IMMP2L: variants seen among roughly 807,000 people sequenced by gnomAD.
IMMP2L encodes the protein inner mitochondrial membrane peptidase subunit 2.
A neutral mutation model predicts 19.3 loss-of-function variants in IMMP2L; 18 were observed. That is an observed-to-expected ratio of 0.93 (90% CI 0.64 to 1.38). The LOEUF (loss-of-function observed/expected upper bound fraction) is 1.38, where lower values mean the gene tolerates loss of function less well. Among genes scored for constraint, IMMP2L ranks in the 40% most tolerant of loss-of-function variants. The probability of loss-of-function intolerance (pLI) is 0.00; values close to 1 mark genes in which losing one functional copy is unlikely to be tolerated. For synonymous variants in IMMP2L, 76 were observed against 73.0 expected (o/e 1.04, Z -0.21); for missense variants, 233 against 218.2 (o/e 1.07, Z -0.43).
At chr7:111,050,406 T>C (rs1452863806) in intron 3 of IMMP2L, among the ~76,000 whole-genome samples, 1 of 152,196 alleles carries the variant, frequency 6.6e-6, no homozygotes, top group Non-Finnish European at 1.5e-5. Context: ...GTTAGAGGGT[T>C]GTGATGAATA....
Position 110,755,125 on chromosome 7 carries a change from A to G in IMMP2L, c.409-91404T>C, listed in dbSNP as rs1310051092. 3.3e-5 allele frequency among the ~76,000 whole-genome samples: 5 copies of G among 152,078 alleles called. 1 individual carries two copies. Among genetic ancestry groups the G allele is most frequent in the Admixed American group, 2.0e-4 (3 of 15,228 alleles). On this transcript the variant is annotated intron_variant, in intron 5 of 5. Coordinates refer to ENST00000405709, the MANE Select transcript of IMMP2L (RefSeq NM_032549.4). The stretch of plus-strand genomic sequence containing the variant: ...ATTAACTTTTAATTACATATGGTCA[A>G]TCCTCAGTTTAGACCATAAAACTAT...
intron 3 of IMMP2L, among the ~76,000 whole-genome samples, chr7:111,448,942 TA>T (rs1476035718): frequency 6.8e-6 from 1 of 146,552 alleles, no homozygotes; most frequent in South Asian, 2.2e-4. Context: ...TCTACGCAAA[TA>T]AACTAGAAAA....
chr7:111,375,573 T>C (rs1345157329), intron 3 of IMMP2L, among the ~76,000 whole-genome samples: 1 of 152,022 alleles, frequency 6.6e-6, no homozygotes, highest in East Asian at 1.9e-4. Context: ...TCACCCAGGA[T>C]GGAGTGCAGT....
At chr7:111,394,576 A>C (rs946892536) in intron 3 of IMMP2L, among the ~76,000 whole-genome samples, 2 of 152,112 alleles carry the variant, frequency 1.3e-5, no homozygotes, top group Non-Finnish European at 2.9e-5. Context: ...GGTTGTGCTA[A>C]ATGACTTAGC....
chr7:111,133,174 A>T lies in IMMP2L; in HGVS notation c.240-169609T>A, dbSNP rs532363535. 7.2e-5 allele frequency among the ~76,000 whole-genome samples: 11 copies of T among 152,136 alleles called. No individual in the cohort carries two copies. The South Asian group carries it at 2.3e-3, about 32-fold the overall frequency. Reference sequence around the variant, plus strand: ...CCAGACAAAATATTAGCTACTAGAGATTCAACATTGACTGCAATAGACAAA... The same window carrying T: ...CCAGACAAAATATTAGCTACTAGAGTTTCAACATTGACTGCAATAGACAAA... On this transcript the variant is annotated intron_variant, in intron 3 of 5. Coordinates refer to ENST00000405709, the MANE Select transcript of IMMP2L (RefSeq NM_032549.4).
At chr7:111,340,974 T>C (rs1826953351) in intron 3 of IMMP2L, among the ~76,000 whole-genome samples, 1 of 152,082 alleles carries the variant, frequency 6.6e-6, no homozygotes, top group South Asian at 2.1e-4. Flanking sequence ...AGTGTGATAA[T>C]TACATGGACC....
intron 5 of IMMP2L, among the ~76,000 whole-genome samples, chr7:110,705,293 G>A: frequency 6.6e-6 from 1 of 152,124 alleles, no homozygotes; most frequent in African/African-American, 2.4e-5. Flanking sequence ...ATACTAGAAT[G>A]TTTTAGGTGA....
chr7:110,927,149 C>T (rs899173703), intron 4 of IMMP2L, among the ~76,000 whole-genome samples: 6 of 152,010 alleles, frequency 3.9e-5, no homozygotes, highest in Non-Finnish European at 5.9e-5. Flanking sequence ...TCTATTCTCC[C>T]GCCCATCTTT....
Position 110,846,573 on chromosome 7 carries a change from T to C in IMMP2L, c.408+40020A>G, listed in dbSNP as rs943005322. Among the ~76,000 whole-genome samples the C allele has an allele frequency of 3.3e-5, 5 of 151,714 alleles. No individual in the cohort carries two copies. The East Asian group carries it at 5.9e-4, about 18-fold the overall frequency. ...TAGAGACCGGGTTTTACCTTGTTGG[T>C]CAGGCTGGTCTCGAACTCCTGACCT... is the stretch of plus-strand genomic sequence containing the variant. On this transcript the variant is annotated intron_variant, in intron 5 of 5. Transcript: ENST00000405709.
intron 3 of IMMP2L, chr7:111,124,528 T>C (rs1027721587): frequency 1.2e-6 from 2 of 1,613,750 alleles, no homozygotes; most frequent in Non-Finnish European, 8.5e-7. Context: ...TCTGAATCCA[T>C]CAACTGAGTA....
chr7:111,155,716 G>A (rs1468274939), intron 3 of IMMP2L, among the ~76,000 whole-genome samples: 1 of 151,524 alleles, frequency 6.6e-6, no homozygotes, highest in Non-Finnish European at 1.5e-5. Flanking sequence ...GTTTTCTACT[G>A]AACAAAAATA....
chr7:111,299,101 T>G (rs965472234), intron 3 of IMMP2L, among the ~76,000 whole-genome samples: 1 of 152,110 alleles, frequency 6.6e-6, no homozygotes, highest in Non-Finnish European at 1.5e-5. Flanking sequence ...AAATAACTGG[T>G]GTACAATGTC....
intron 3 of IMMP2L, among the ~76,000 whole-genome samples, chr7:111,148,447 T>C (rs1395258166): frequency 6.6e-6 from 1 of 152,008 alleles, no homozygotes; most frequent in Admixed American, 6.6e-5. Flanking sequence ...GTGGTAATAA[T>C]GTACAACTCT....
At chr7:110,995,700 GC>G (rs1198399273) in intron 3 of IMMP2L, among the ~76,000 whole-genome samples, 1 of 152,068 alleles carries the variant, frequency 6.6e-6, no homozygotes, top group African/African-American at 2.4e-5. Flanking sequence ...ATCATAAGTA[GC>G]CATGAAACCC....
At chr7:111,222,770 A>G (rs995847350) in intron 3 of IMMP2L, among the ~76,000 whole-genome samples, 9 of 152,094 alleles carry the variant, frequency 5.9e-5, no homozygotes, top group Non-Finnish European at 4.4e-5. Flanking sequence ...ATAAGCTGAC[A>G]ATATTTAGTA....
At chr7:110,687,127 A>C (rs1793171354) in intron 5 of IMMP2L, among the ~76,000 whole-genome samples, 1 of 152,136 alleles carries the variant, frequency 6.6e-6, no homozygotes, top group South Asian at 2.1e-4. Context: ...AAATGGTCAC[A>C]GTGTAACCAG....
intron 3 of IMMP2L, among the ~76,000 whole-genome samples, chr7:111,088,327 G>A (rs966390975): frequency 6.6e-6 from 1 of 152,072 alleles, no homozygotes; most frequent in Non-Finnish European, 1.5e-5. Context: ...TTAAAACTCA[G>A]TATTCATCTA....
intron 3 of IMMP2L, among the ~76,000 whole-genome samples, chr7:111,363,712 C>A (rs929115131): frequency 6.6e-6 from 1 of 152,042 alleles, no homozygotes; most frequent in East Asian, 1.9e-4. Flanking sequence ...ATAGGACTCT[C>A]CTGTTTTAAA....
intron 4 of IMMP2L, chr7:110,963,188 A>C (rs1819152405): frequency 1.1e-6 from 1 of 893,148 alleles, no homozygotes; most frequent in Admixed American, 3.1e-5. Context: ...TCATAATCTT[A>C]ATCTTAAAAT....
Sources: gnomAD v4.1 joint callset for allele counts (sites outside exome capture counted in the v4.1 genomes callset) on GRCh38, gnomAD v4.1.1 for gene constraint, MANE v1.5 for transcripts, NCBI Gene and HGNC (gene_info 2026-07-23, HGNC 2026-07-21) for gene names.